The following KIAA1217 variants were observed in gnomAD, a reference collection of about 807,000 sequenced individuals.
The protein encoded by KIAA1217 is sickle tail protein homolog.
KIAA1217 carries 88 observed loss-of-function variants against 163.9 expected under a neutral mutation model. The ratio of observed to expected loss-of-function variants is 0.54; its 90% confidence interval spans 0.45 to 0.64. The LOEUF is 0.64. Among genes scored for constraint, KIAA1217 ranks in the 30% least tolerant of loss-of-function variants. KIAA1217 has a pLI of 0.00. For missense variants in KIAA1217, 2,372 were observed against 2,475.0 expected (o/e 0.96, Z 0.88); for synonymous variants, 903 against 923.1 (o/e 0.98, Z 0.39).
At chr10:24,510,454 C>T (rs2068945096) in intron 9 of KIAA1217, among the ~76,000 whole-genome samples, 1 of 152,122 alleles carries the variant, frequency 6.6e-6, no homozygotes, top group African/African-American at 2.4e-5. Context: ...AAGCCCTTTT[C>T]TTAGTCCATG....
intron 1 of KIAA1217, among the ~76,000 whole-genome samples, chr10:23,900,998 A>C (rs1242984187): frequency 6.6e-6 from 1 of 152,112 alleles, no homozygotes; most frequent in East Asian, 1.9e-4. Context: ...GGCTGTTAAT[A>C]ATTATTTTTA....
chr10:24,464,417 A>G (rs1320429373), intron 5 of KIAA1217, among the ~76,000 whole-genome samples: 1 of 152,174 alleles, frequency 6.6e-6, no homozygotes, highest in East Asian at 1.9e-4. Context: ...ACCGACTCTC[A>G]TTGTAACAGG....
At chr10:23,928,355 C>A (rs999141753) in intron 1 of KIAA1217, among the ~76,000 whole-genome samples, 3 of 152,170 alleles carry the variant, frequency 2.0e-5, no homozygotes, top group Non-Finnish European at 4.4e-5. Context: ...AGCAGCTTCC[C>A]AGAATTTGCG....
Position 24,547,056 on chromosome 10 carries a change from C to CTTTTTTTTTTT in KIAA1217, c.*738_*748dup, listed in dbSNP as rs11411265. 3.9e-5 allele frequency: 5 copies of CTTTTTTTTTTT among 127,936 alleles called. No homozygotes were observed. The highest frequency in any genetic ancestry group is 6.4e-5 in the Non-Finnish European group (4 of 62,526). 7.9% of individuals were successfully genotyped at this position (127,936 alleles called of 1,614,324 possible). On this transcript the variant is annotated 3_prime_UTR_variant, in exon 21 of 21. Coordinates refer to ENST00000376454, the MANE Select transcript of KIAA1217 (RefSeq NM_019590.5). ...GCTTCTTTTCTTTCTTTTTTCCTTCCTTTTTTTTTTTTTTTTCTTTTTTAA... is the reference window on the plus strand; with the variant it reads ...GCTTCTTTTCTTTCTTTTTTCCTTCCTTTTTTTTTTTTTTTTTTTTTTTTTTTCTTTTTTAA...
chr10:23,730,816 G>A lies in KIAA1217; in HGVS notation c.-321+35582G>A, dbSNP rs758052065. 7.2e-4 allele frequency among the ~76,000 whole-genome samples: 110 copies of A among 152,158 alleles called. 1 individual carries two copies. Among genetic ancestry groups the A allele is most frequent in the Admixed American group, 4.4e-3 (67 of 15,286 alleles). ...TTGTTTATTGCTGGTATATAGGAAA[G>A]CAATGGACTTTTGTATATTAATCTT... On this transcript the variant is annotated intron_variant, in intron 1 of 18. Coordinates refer to the KIAA1217 transcript ENST00000376462.
At chr10:24,287,261 G>A (rs576202054) in intron 2 of KIAA1217, among the ~76,000 whole-genome samples, 21 of 152,290 alleles carry the variant, frequency 1.4e-4, no homozygotes, top group African/African-American at 5.1e-4. Flanking sequence ...ATGTTGGTCA[G>A]GCTGGTCTTG....
intron 1 of KIAA1217, among the ~76,000 whole-genome samples, chr10:23,942,363 A>G (rs1381668762): frequency 6.6e-6 from 1 of 152,226 alleles, no homozygotes; most frequent in East Asian, 1.9e-4. Flanking sequence ...ACTTTCAAAA[A>G]GAACCAAATA....
intron 1 of KIAA1217, among the ~76,000 whole-genome samples, chr10:23,910,525 T>C (rs1842390216): frequency 6.6e-6 from 1 of 152,082 alleles, no homozygotes; most frequent in Admixed American, 6.6e-5. Flanking sequence ...CAAAGGCAAG[T>C]GATTCTCCCT....
intron 1 of KIAA1217, among the ~76,000 whole-genome samples, chr10:23,782,624 G>T (rs1835309330): frequency 6.6e-6 from 1 of 152,028 alleles, no homozygotes; most frequent in Admixed American, 6.6e-5. Context: ...GTAGAGACGG[G>T]GTTTCACCAT....
intron 3 of KIAA1217, among the ~76,000 whole-genome samples, chr10:24,429,373 C>T (rs12258711): frequency 0.016 from 2,367 of 152,186 alleles, 64 homozygotes; most frequent in African/African-American, 0.054. Flanking sequence ...GAAAAAAGAA[C>T]ATTCTTATAA....
intron 2 of KIAA1217, among the ~76,000 whole-genome samples, chr10:24,024,871 C>G (rs1847876436): frequency 6.6e-6 from 1 of 151,672 alleles, no homozygotes; most frequent in Admixed American, 6.6e-5. Context: ...TTACTCATTT[C>G]TAATCAATTT....
chr10:23,782,731 T>C (rs1835314127), intron 1 of KIAA1217, among the ~76,000 whole-genome samples: 1 of 152,204 alleles, frequency 6.6e-6, no homozygotes, highest in East Asian at 1.9e-4. Flanking sequence ...AATTATTTTT[T>C]TGTATGGAGT....
chr10:24,231,515 C>T (rs1242712321), intron 2 of KIAA1217, among the ~76,000 whole-genome samples: 1 of 151,810 alleles, frequency 6.6e-6, no homozygotes, highest in Non-Finnish European at 1.5e-5. Context: ...TACTGGAGGC[C>T]CGTGAGCAAA....
intron 2 of KIAA1217, among the ~76,000 whole-genome samples, chr10:24,285,957 G>C (rs148958268): frequency 6.6e-6 from 1 of 151,468 alleles, no homozygotes; most frequent in African/African-American, 2.4e-5. Context: ...TTTTATTATC[G>C]TGTGTGTGTG....
intron 3 of KIAA1217, among the ~76,000 whole-genome samples, chr10:24,400,962 TACACACACACAC>T (rs375697958): frequency 6.8e-5 from 8 of 117,174 alleles, no homozygotes; most frequent in Admixed American, 3.3e-4. Context: ...GCAAGAAACA[TACACACACACAC>T]ACACACACAC....
At chr10:24,109,291 C>T (rs917142863) in intron 2 of KIAA1217, among the ~76,000 whole-genome samples, 1 of 152,110 alleles carries the variant, frequency 6.6e-6, no homozygotes, top group Admixed American at 6.5e-5. Context: ...ACTCTTTTGT[C>T]TGTGTTCCCA....
intron 1 of KIAA1217, among the ~76,000 whole-genome samples, chr10:23,812,901 G>A (rs1311499566): frequency 6.6e-6 from 1 of 152,112 alleles, no homozygotes; most frequent in African/African-American, 2.4e-5. Context: ...ATGCTGTTAT[G>A]AACATTCATG....
At chr10:24,092,704 A>G (rs1282050513) in intron 2 of KIAA1217, among the ~76,000 whole-genome samples, 1 of 151,824 alleles carries the variant, frequency 6.6e-6, no homozygotes, top group East Asian at 1.9e-4. Context: ...AAAAAAAACA[A>G]AAACCTAGGA....
intron 6 of KIAA1217, among the ~76,000 whole-genome samples, chr10:24,480,840 C>T (rs1420094139): frequency 6.6e-6 from 1 of 152,152 alleles, no homozygotes; most frequent in African/African-American, 2.4e-5. Context: ...GCTGGGCTTA[C>T]AGATCCAAAT....
Sources: allele counts gnomAD v4.1 joint callset (sites outside exome capture counted in the v4.1 genomes callset), GRCh38; gene constraint gnomAD v4.1.1; transcripts MANE v1.5; gene names NCBI Gene and HGNC (gene_info 2026-07-23, HGNC 2026-07-21).